The following CNTN5 variants were observed in gnomAD, a reference collection of about 807,000 sequenced individuals.
CNTN5 encodes contactin-5.
A neutral mutation model predicts 129.1 loss-of-function variants in CNTN5; 77 were observed. The ratio of observed to expected loss-of-function variants is 0.60; its 90% confidence interval spans 0.50 to 0.72. The LOEUF is 0.72. CNTN5 is among the 30% of genes least tolerant of loss of function. The pLI is 0.00. For synonymous variants in CNTN5, 509 were observed against 465.6 expected (o/e 1.09, Z -1.20); for missense variants, 1,478 against 1,328.8 (o/e 1.11, Z -1.75).
Position 100,005,280 on chromosome 11 carries a change from A to G in CNTN5, c.980+3144A>G, listed in dbSNP as rs115096083. Among the ~76,000 whole-genome samples, 888 of 152,190 alleles carry G rather than the reference A, an allele frequency of 5.8e-3. 8 individuals are homozygous for G. Among genetic ancestry groups the G allele is most frequent in the African/African-American group, 0.018 (761 of 41,518 alleles). Reference sequence around the variant, plus strand: ...GCCTTATCCTGTCCCCCCCACAAATACATCATGTATACTCTGCACCTGTAT... The same window carrying G: ...GCCTTATCCTGTCCCCCCCACAAATGCATCATGTATACTCTGCACCTGTAT... On this transcript the variant is annotated intron_variant, in intron 9 of 24. Coordinates refer to ENST00000524871, the MANE Select transcript of CNTN5 (RefSeq NM_014361.4).
intron 1 of CNTN5, among the ~76,000 whole-genome samples, chr11:99,234,851 A>C (rs915365703): frequency 6.6e-6 from 1 of 152,206 alleles, no homozygotes; most frequent in Non-Finnish European, 1.5e-5. Flanking sequence ...GTCAATAAGC[A>C]TCATCATCAC....
At chr11:100,165,130 T>TA (rs1263259140) in intron 13 of CNTN5, among the ~76,000 whole-genome samples, 1 of 151,574 alleles carries the variant, frequency 6.6e-6, no homozygotes, top group East Asian at 1.9e-4. Context: ...GCAGCAAAAA[T>TA]AAAAAATTAA....
chr11:99,405,531 C>T (rs1042869721), intron 2 of CNTN5, among the ~76,000 whole-genome samples: 7 of 151,874 alleles, frequency 4.6e-5, no homozygotes, highest in Admixed American at 1.3e-4. Context: ...CATTTTTCAC[C>T]TACAGGATTT....
At chr11:99,955,615 A>G (rs1162370436) in intron 7 of CNTN5, among the ~76,000 whole-genome samples, 1 of 152,110 alleles carries the variant, frequency 6.6e-6, no homozygotes, top group Non-Finnish European at 1.5e-5. Context: ...GCTGGAGTGC[A>G]GCGGCATGAC....
At chr11:99,933,827 G>C (rs1311418696) in intron 7 of CNTN5, among the ~76,000 whole-genome samples, 8 of 152,188 alleles carry the variant, frequency 5.3e-5, no homozygotes, top group Middle Eastern at 3.2e-3. Flanking sequence ...CATTTCAGCT[G>C]TTTTCAATTT....
At chr11:99,668,879 C>T (rs1453248116) in intron 3 of CNTN5, among the ~76,000 whole-genome samples, 1 of 151,998 alleles carries the variant, frequency 6.6e-6, no homozygotes, top group Non-Finnish European at 1.5e-5. Context: ...TTGTTAAGGA[C>T]GAAAACACAG....
chr11:99,753,996 A>T (rs995858498), intron 3 of CNTN5, among the ~76,000 whole-genome samples: 29 of 148,308 alleles, frequency 2.0e-4, no homozygotes, highest in Middle Eastern at 3.2e-3. Context: ...CCAAAAAAAA[A>T]AAATAAATAA....
Position 99,981,773 on chromosome 11 carries a change from A to G in CNTN5, c.878-20261A>G, listed in dbSNP as rs150843631. Among the ~76,000 whole-genome samples the G allele has an allele frequency of 2.1e-3, 317 of 152,310 alleles. 1 individual carries two copies. Among genetic ancestry groups the G allele is most frequent in the African/African-American group, 7.0e-3 (293 of 41,570 alleles). ...AGGATTGGTCATCATTCTATGCCAT[A>G]AGTATAATCAATGTTTAAAACTAGC... On this transcript the variant is annotated intron_variant, in intron 8 of 24. Coordinates refer to ENST00000524871, the MANE Select transcript of CNTN5 (RefSeq NM_014361.4).
intron 18 of CNTN5, among the ~76,000 whole-genome samples, chr11:100,286,941 G>T (rs1276270835): frequency 6.6e-6 from 1 of 152,248 alleles, no homozygotes; most frequent in South Asian, 2.1e-4. Flanking sequence ...ACCAAAGCTC[G>T]AGAACTACGT....
At chr11:100,070,282 G>A (rs562859501) in intron 10 of CNTN5, 142 bp from the exon 11 acceptor site, 84 of 708,128 alleles carry the variant, frequency 1.2e-4, no homozygotes, top group Middle Eastern at 8.6e-4. Context: ...TGTGTGTAAC[G>A]CAATGCTGTG....
intron 3 of CNTN5, among the ~76,000 whole-genome samples, chr11:99,764,231 T>A (rs1024864602): frequency 6.6e-6 from 1 of 151,992 alleles, no homozygotes; most frequent in Non-Finnish European, 1.5e-5. Flanking sequence ...AGTAGTTCAA[T>A]TATTTGATGA....
intron 3 of CNTN5, among the ~76,000 whole-genome samples, chr11:99,676,161 T>C (rs1202218136): frequency 1.3e-5 from 2 of 152,080 alleles, no homozygotes; most frequent in East Asian, 1.9e-4. Flanking sequence ...TTATTGATTT[T>C]ATTACATAAT....
At chr11:99,845,944 C>G (rs925026258) in intron 6 of CNTN5, among the ~76,000 whole-genome samples, 9 of 151,964 alleles carry the variant, frequency 5.9e-5, no homozygotes, top group African/African-American at 2.2e-4. Context: ...ATTCTACTAA[C>G]TACTATAGTC....
intron 6 of CNTN5, among the ~76,000 whole-genome samples, chr11:99,874,987 C>T (rs1022767783): frequency 5.3e-5 from 8 of 152,116 alleles, no homozygotes; most frequent in African/African-American, 1.9e-4. Context: ...TCTAGAAGGT[C>T]TAGTTTCTTT....
At chr11:100,149,265 G>A (rs907523807) in intron 13 of CNTN5, among the ~76,000 whole-genome samples, 3 of 152,068 alleles carry the variant, frequency 2.0e-5, no homozygotes, top group African/African-American at 7.2e-5. Context: ...CTGTTAATGC[G>A]TTGCCTTCAT....
At chr11:100,288,861 G>A (rs9666108) in intron 18 of CNTN5, among the ~76,000 whole-genome samples, 1 of 151,890 alleles carries the variant, frequency 6.6e-6, no homozygotes, top group African/African-American at 2.4e-5. Flanking sequence ...TAGACCGCTA[G>A]CAAGACTAAT....
At chr11:100,259,632 T>C (rs948348830) in intron 17 of CNTN5, among the ~76,000 whole-genome samples, 1 of 152,010 alleles carries the variant, frequency 6.6e-6, no homozygotes, top group East Asian at 1.9e-4. Flanking sequence ...GAACTCAGGA[T>C]TGAGAAACTC....
At chr11:99,763,399 C>G (rs1284620024) in intron 3 of CNTN5, among the ~76,000 whole-genome samples, 1 of 152,084 alleles carries the variant, frequency 6.6e-6, no homozygotes, top group Non-Finnish European at 1.5e-5. Flanking sequence ...CTCATGTAAG[C>G]TGTAACTGAC....
chr11:99,407,009 C>T (rs12294481), intron 2 of CNTN5, among the ~76,000 whole-genome samples: 5,115 of 152,022 alleles, frequency 0.034, 284 homozygotes, highest in African/African-American at 0.12. Context: ...GTCCTAGAAT[C>T]GGGAACCCCA....
Sources: allele counts gnomAD v4.1 joint callset (sites outside exome capture counted in the v4.1 genomes callset), GRCh38; gene constraint gnomAD v4.1.1; transcripts MANE v1.5; gene names NCBI Gene and HGNC (gene_info 2026-07-23, HGNC 2026-07-21).